The following MAPKAPK2 variants were observed in gnomAD, a reference collection of about 807,000 sequenced individuals.
The protein encoded by MAPKAPK2 is MAP kinase-activated protein kinase 2.
Under a neutral mutation model 48.8 loss-of-function variants are expected in MAPKAPK2, and 9 were observed. That is an observed-to-expected ratio of 0.18 (90% CI 0.11 to 0.32). The LOEUF (loss-of-function observed/expected upper bound fraction) is 0.32. Ranked by LOEUF, MAPKAPK2 falls within the 10% of genes least tolerant of loss-of-function variation. MAPKAPK2 has a pLI of 1.00. For missense variants in MAPKAPK2, 331 were observed against 498.3 expected (o/e 0.66, Z 3.20); for synonymous variants, 202 against 190.6 (o/e 1.06, Z -0.49).
rs1409717979 is a variant in MAPKAPK2, at chr1:206,732,048, A to AT, written c.1059+130dup. 5 of 1,614,024 alleles carry AT rather than the reference A, an allele frequency of 3.1e-6. No homozygotes were observed. In the East Asian group the frequency reaches 6.7e-5, roughly 22 times the overall value. The stretch of plus-strand genomic sequence containing the variant: ...CCTCTCTCATCCCAGGGGTGTCTTC[A>AT]TGACAAGAACAGCGACCAGGCCACT... On this transcript the variant is annotated intron_variant, in intron 9 of 9. Coordinates refer to ENST00000367103, the MANE Select transcript of MAPKAPK2 (RefSeq NM_032960.4). This position sits in a 1 kb window ranked among gnomAD's most constrained non-coding sequence, Gnocchi z 4.4.
chr1:206,727,761 A>C (rs1189824602), intron 1 of MAPKAPK2, among the ~76,000 whole-genome samples: 1 of 152,090 alleles, frequency 6.6e-6, no homozygotes, highest in African/African-American at 2.4e-5. Context: ...AGCTGGGGCT[A>C]CAGTCGCCTG....
At chr1:206,698,615 A>G (rs1572484829) in intron 1 of MAPKAPK2, among the ~76,000 whole-genome samples, 1 of 152,358 alleles carries the variant, frequency 6.6e-6, no homozygotes, top group South Asian at 2.1e-4. Flanking sequence ...AGCAGATACT[A>G]TGTATCAGGC....
intron 1 of MAPKAPK2, among the ~76,000 whole-genome samples, chr1:206,706,538 AC>A (rs1553428592): frequency 6.6e-6 from 1 of 151,800 alleles, no homozygotes; most frequent in Non-Finnish European, 1.5e-5. Flanking sequence ...AGCAGCTCTG[AC>A]CCCCGTGGGC....
At chr1:206,726,567 T>G (rs1213758855) in intron 1 of MAPKAPK2, among the ~76,000 whole-genome samples, 10 of 152,238 alleles carry the variant, frequency 6.6e-5, no homozygotes, top group African/African-American at 2.2e-4. Flanking sequence ...TTCCTTCTAG[T>G]CACCTGTTTG....
Position 206,731,026 on chromosome 1 carries a change from A to G in MAPKAPK2, c.768-112A>G, listed in dbSNP as rs1673885297. 6.9e-7 allele frequency: 1 copy of G among 1,449,540 alleles called. No individual in the cohort carries two copies. Among genetic ancestry groups the G allele is most frequent in the Admixed American group, 1.7e-5 (1 of 58,592 alleles). 89.8% of individuals were successfully genotyped at this position (1,449,540 alleles called of 1,614,324 possible). On this transcript the variant is annotated intron_variant, in intron 6 of 9. Coordinates refer to ENST00000367103, the MANE Select transcript of MAPKAPK2 (RefSeq NM_032960.4). The surrounding 1 kb of genome is among the most constrained non-coding windows in gnomAD (Gnocchi z 5.9). ...ATTGTGCCTGTGTCAATAAGCCCTG[A>G]TTTCTCTGTGACCTTTACAAGGAGA...
chr1:206,728,043 CTGGTG>C (rs1673762926), intron 1 of MAPKAPK2, among the ~76,000 whole-genome samples: 1 of 152,144 alleles, frequency 6.6e-6, no homozygotes, highest in East Asian at 1.9e-4. Flanking sequence ...ACCCCTGAGG[CTGGTG>C]AGAAGCCAGC....
chr1:206,712,917 G>A (rs548487583), intron 1 of MAPKAPK2, among the ~76,000 whole-genome samples: 22 of 149,718 alleles, frequency 1.5e-4, no homozygotes, highest in Middle Eastern at 3.5e-3. Context: ...AGTGAGCTGA[G>A]ATCGTGCCAC....
At chr1:206,707,596 C>T (rs1553428791) in intron 1 of MAPKAPK2, among the ~76,000 whole-genome samples, 1 of 152,068 alleles carries the variant, frequency 6.6e-6, no homozygotes, top group Non-Finnish European at 1.5e-5. Flanking sequence ...GACTGTGTAA[C>T]CTTGGTAAAA....
chr1:206,697,722 A>G (rs1372328633), intron 1 of MAPKAPK2, among the ~76,000 whole-genome samples: 3 of 152,228 alleles, frequency 2.0e-5, no homozygotes, highest in Non-Finnish European at 4.4e-5. Context: ...GGAGGGGCCA[A>G]ATATCCAAAC....
chr1:206,729,531 G>A (rs1673829879), intron 4 of MAPKAPK2, 56 bp downstream of exon 4: 1 of 1,468,694 alleles, frequency 6.8e-7, no homozygotes, highest in Non-Finnish European at 9.5e-7. Flanking sequence ...CAAAGGGGCT[G>A]TGGCCACCCC....
intron 1 of MAPKAPK2, among the ~76,000 whole-genome samples, chr1:206,693,146 T>G (rs1217113732): frequency 1.3e-5 from 2 of 152,100 alleles, no homozygotes; most frequent in Non-Finnish European, 2.9e-5. Context: ...ATCCACATTG[T>G]TAGGAGGCTC....
At position 206,730,773 on chromosome 1, in the gene MAPKAPK2, CTGGGGAGGGGGCTGGG is replaced by C; in HGVS notation, c.767+16_767+31del. The C allele has an allele frequency of 1.7e-6, 1 of 596,338 alleles. No homozygotes were observed. The highest frequency in any genetic ancestry group is 3.1e-6 in the Non-Finnish European group (1 of 320,334). 36.9% of individuals were successfully genotyped at this position (596,338 alleles called of 1,614,324 possible). A position where few individuals can be genotyped will look rare whatever the true frequency, so the allele number is the denominator to read the frequency against. On this transcript the variant is annotated intron_variant, in intron 6 of 9. Transcript: ENST00000367103. Reference sequence around the variant, plus strand: ...TCATCATGTACATCCTGTGAGTGTGCTGGGGAGGGGGCTGGGTGGGGCAGGGAGTCAGGGCGGCCTG... The same window carrying C: ...TCATCATGTACATCCTGTGAGTGTGCTGGGGCAGGGAGTCAGGGCGGCCTG...
In MAPKAPK2 at chr1:206,715,016, G is replaced by A. The variant is rs782032354; in HGVS notation, c.280-13694G>A. 6.8e-4 allele frequency among the ~76,000 whole-genome samples: 103 copies of A among 152,190 alleles called. 1 individual carries two copies. The Middle Eastern group carries it at 0.01, about 15-fold the overall frequency. On this transcript the variant is annotated intron_variant, in intron 1 of 9. Coordinates refer to ENST00000367103, the MANE Select transcript of MAPKAPK2 (RefSeq NM_032960.4). Reference sequence around the variant, plus strand: ...AGCTCCTGAACCACTGCCAGCAGTGGTTCTGGAATCAACCTGTACTTTCCT... The same window carrying A: ...AGCTCCTGAACCACTGCCAGCAGTGATTCTGGAATCAACCTGTACTTTCCT...
At chr1:206,695,980 C>G in intron 1 of MAPKAPK2, 1 of 740,648 alleles carries the variant, frequency 1.4e-6, no homozygotes, top group Non-Finnish European at 2.5e-6. Context: ...CTACTTCCTC[C>G]TATGGCTCGG....
intron 1 of MAPKAPK2, among the ~76,000 whole-genome samples, chr1:206,702,449 G>C (rs1672826130): frequency 6.6e-6 from 1 of 152,206 alleles, no homozygotes; most frequent in African/African-American, 2.4e-5. Flanking sequence ...CTGAGAGCCA[G>C]AGGAAAGGTC....
intron 1 of MAPKAPK2, among the ~76,000 whole-genome samples, chr1:206,726,123 C>T (rs956760741): frequency 2.0e-5 from 3 of 152,208 alleles, no homozygotes; most frequent in African/African-American, 7.2e-5. Flanking sequence ...TGGTGGCTCA[C>T]ACCTGTAATC....
intron 1 of MAPKAPK2, among the ~76,000 whole-genome samples, chr1:206,715,349 G>A (rs1181249860): frequency 5.3e-5 from 8 of 152,184 alleles, no homozygotes; most frequent in African/African-American, 1.9e-4. Context: ...TGTTTAGTGA[G>A]CGCAGACTAC....
At chr1:206,697,390 A>G (rs913936411) in intron 1 of MAPKAPK2, among the ~76,000 whole-genome samples, 3 of 152,208 alleles carry the variant, frequency 2.0e-5, no homozygotes, top group East Asian at 3.8e-4. Flanking sequence ...TTATAGAGAA[A>G]AGAGGTTTAT....
intron 1 of MAPKAPK2, among the ~76,000 whole-genome samples, chr1:206,705,405 G>T (rs902633367): frequency 1.3e-5 from 2 of 152,206 alleles, no homozygotes; most frequent in East Asian, 3.8e-4. Context: ...TGCAGCATGG[G>T]GTTGCATGAG....
Sources: gnomAD v4.1 joint callset for allele counts (sites outside exome capture counted in the v4.1 genomes callset) on GRCh38, gnomAD v4.1.1 for gene constraint, Gnocchi (gnomAD v3.1) non-coding constraint, MANE v1.5 for transcripts, NCBI Gene and HGNC (gene_info 2026-07-23, HGNC 2026-07-21) for gene names.